GRM8: variants seen among roughly 807,000 people sequenced by gnomAD.
GRM8 encodes metabotropic glutamate receptor 8.
A neutral mutation model predicts 87.2 loss-of-function variants in GRM8; 47 were observed. The observed-to-expected ratio is 0.54, with a 90% CI of 0.43 to 0.69. GRM8 has a LOEUF of 0.69. GRM8 is among the 30% of genes least tolerant of loss of function. GRM8 has a pLI of 0.00. For missense variants in GRM8, 1,019 were observed against 1,139.2 expected (o/e 0.89, Z 1.52); for synonymous variants, 396 against 404.5 (o/e 0.98, Z 0.25).
At chr7:126,909,179 C>T (rs543145294) in intron 3 of GRM8, among the ~76,000 whole-genome samples, 4 of 152,296 alleles carry the variant, frequency 2.6e-5, no homozygotes, top group Admixed American at 2.0e-4. Context: ...GCATAAGATA[C>T]ACCACAGTTC....
At chr7:126,659,419 C>A (rs1189531864) in intron 7 of GRM8, among the ~76,000 whole-genome samples, 1 of 152,134 alleles carries the variant, frequency 6.6e-6, no homozygotes, top group Non-Finnish European at 1.5e-5. Context: ...CTTCACTATA[C>A]ATACATATTT....
intron 7 of GRM8, among the ~76,000 whole-genome samples, chr7:126,650,867 G>A (rs962857017): frequency 2.8e-4 from 42 of 152,104 alleles, no homozygotes; most frequent in African/African-American, 1.0e-3. Context: ...TGGCAGGGAT[G>A]GAGGTTACGC....
At chr7:126,678,648 A>ATTAAGTG (rs1807240806) in intron 7 of GRM8, among the ~76,000 whole-genome samples, 2 of 152,210 alleles carry the variant, frequency 1.3e-5, no homozygotes, top group South Asian at 4.1e-4. Flanking sequence ...TTTTGTAAAC[A>ATTAAGTG]GTTTTCCATT....
intron 7 of GRM8, among the ~76,000 whole-genome samples, chr7:126,761,523 C>CT (rs1324156262): frequency 2.0e-5 from 3 of 152,132 alleles, no homozygotes; most frequent in Non-Finnish European, 4.4e-5. Context: ...CATACCATCG[C>CT]TGCCTTTAAT....
At chr7:126,672,376 T>C (rs1257989227) in intron 7 of GRM8, among the ~76,000 whole-genome samples, 1 of 152,118 alleles carries the variant, frequency 6.6e-6, no homozygotes, top group South Asian at 2.1e-4. Flanking sequence ...GAACCAGGGA[T>C]GCCTGCTCCC....
chr7:126,540,909 G>A (rs1031478236), intron 8 of GRM8, among the ~76,000 whole-genome samples: 1 of 152,134 alleles, frequency 6.6e-6, no homozygotes, highest in African/African-American at 2.4e-5. Flanking sequence ...GATCATTTTT[G>A]GCGTGTAAGT....
At chr7:126,951,706 AG>A (rs1563347940) in intron 3 of GRM8, among the ~76,000 whole-genome samples, 1 of 152,102 alleles carries the variant, frequency 6.6e-6, no homozygotes. Flanking sequence ...AATCAAACAA[AG>A]AAGTAAACAT....
chr7:127,216,697 G>A (rs552646974), intron 2 of GRM8, among the ~76,000 whole-genome samples: 2 of 152,300 alleles, frequency 1.3e-5, no homozygotes, highest in Middle Eastern at 6.8e-3. Context: ...GGTCCTCCCA[G>A]ATGTGGCCCT....
At chr7:126,742,691 G>A (rs1815150177) in intron 7 of GRM8, among the ~76,000 whole-genome samples, 1 of 151,896 alleles carries the variant, frequency 6.6e-6, no homozygotes, top group African/African-American at 2.4e-5. Flanking sequence ...CGTAAGACCT[G>A]ACAAAATACT....
At chr7:126,840,964 G>A (rs955034533) in intron 6 of GRM8, among the ~76,000 whole-genome samples, 1 of 152,178 alleles carries the variant, frequency 6.6e-6, no homozygotes, top group Admixed American at 6.5e-5. Flanking sequence ...AAAGATTAAA[G>A]GCTCTGACAG....
chr7:127,145,275 A>G (rs1308264525), intron 2 of GRM8, among the ~76,000 whole-genome samples: 2 of 152,152 alleles, frequency 1.3e-5, no homozygotes, highest in Non-Finnish European at 2.9e-5. Flanking sequence ...ATGTACTTAC[A>G]TAGTCATAAT....
intron 1 of GRM8, among the ~76,000 whole-genome samples, chr7:127,250,429 C>T (rs1167624524): frequency 6.6e-6 from 1 of 152,244 alleles, no homozygotes; most frequent in African/African-American, 2.4e-5. Context: ...CAGTATACAG[C>T]TGTGTTCTCA....
At chr7:126,467,628 A>T (rs1057427509) in intron 9 of GRM8, among the ~76,000 whole-genome samples, 4 of 152,020 alleles carry the variant, frequency 2.6e-5, no homozygotes, top group African/African-American at 9.7e-5. Flanking sequence ...CTTTTAAACA[A>T]AGTGTATACT....
chr7:126,820,037 T>A (rs1388026824), intron 6 of GRM8, among the ~76,000 whole-genome samples: 1 of 152,194 alleles, frequency 6.6e-6, no homozygotes, highest in Non-Finnish European at 1.5e-5. Flanking sequence ...ATTTTTAATT[T>A]TATTTCATTT....
chr7:126,546,113 A>T (rs1473423721), intron 8 of GRM8, among the ~76,000 whole-genome samples: 2 of 152,214 alleles, frequency 1.3e-5, no homozygotes, highest in African/African-American at 4.8e-5. Flanking sequence ...CAAACAAAAC[A>T]TAAAGATGAT....
intron 6 of GRM8, among the ~76,000 whole-genome samples, chr7:126,855,999 G>A (rs1247701747): frequency 6.6e-6 from 1 of 152,086 alleles, no homozygotes; most frequent in Non-Finnish European, 1.5e-5. Flanking sequence ...AGAATGGAGA[G>A]TCTTTCCTTA....
At chr7:126,489,894 C>T (rs13438083) in intron 9 of GRM8, among the ~76,000 whole-genome samples, 5 of 151,910 alleles carry the variant, frequency 3.3e-5, no homozygotes, top group Non-Finnish European at 5.9e-5. Context: ...AGAACCAAGA[C>T]GCAAAGGAAG....
intron 7 of GRM8, among the ~76,000 whole-genome samples, chr7:126,713,191 C>A (rs1295181449): frequency 6.6e-6 from 1 of 152,032 alleles, no homozygotes; most frequent in Non-Finnish European, 1.5e-5. Flanking sequence ...GACTTGGAAC[C>A]AAATCAAATG....
At chr7:126,892,006 C>T (rs1233751292) in intron 6 of GRM8, among the ~76,000 whole-genome samples, 15 of 102,172 alleles carry the variant, frequency 1.5e-4, no homozygotes, top group Non-Finnish European at 2.7e-4. Flanking sequence ...ATATGAAGCT[C>T]ATGTTCTTGC....
Sources: gnomAD v4.1 joint callset for allele counts (sites outside exome capture counted in the v4.1 genomes callset) on GRCh38, gnomAD v4.1.1 for gene constraint, MANE v1.5 for transcripts, NCBI Gene and HGNC (gene_info 2026-07-23, HGNC 2026-07-21) for gene names.